DYNC2H1: variants seen among roughly 807,000 people sequenced by gnomAD.
The protein encoded by DYNC2H1 is cytoplasmic dynein 2 heavy chain 1.
Under a neutral mutation model 570.0 loss-of-function variants are expected in DYNC2H1, and 410 were observed. That is an observed-to-expected ratio of 0.72 (90% CI 0.66 to 0.78). DYNC2H1 has a LOEUF of 0.78. Among genes scored for constraint, DYNC2H1 ranks in the 30% least tolerant of loss-of-function variants. The probability of loss-of-function intolerance (pLI) is 0.00; values close to 1 mark genes in which losing one functional copy is unlikely to be tolerated. For missense variants in DYNC2H1, 4,865 were observed against 5,046.4 expected, an observed-to-expected ratio of 0.96 and a Z score of 1.09; for synonymous variants, 1,688 against 1,677.6, an observed-to-expected ratio of 1.01 and a Z score of -0.15.
intron 58 of DYNC2H1, among the ~76,000 whole-genome samples, chr11:103,222,472 G>T (rs1412920849): frequency 2.0e-5 from 3 of 151,976 alleles, no homozygotes; most frequent in African/African-American, 4.8e-5. Flanking sequence ...ATAACAACAG[G>T]TATCTGTTTT....
At position 103,198,821 on chromosome 11, in the gene DYNC2H1, A is replaced by G. The variant is rs17100065; in HGVS notation, c.7840-407A>G. Reference sequence around the variant, plus strand: ...ATTCATTCCCAAGCAATGCGAAAGAACAAACATTCACAAAAGATTTTTTAG... The same window carrying G: ...ATTCATTCCCAAGCAATGCGAAAGAGCAAACATTCACAAAAGATTTTTTAG... On this transcript the variant is annotated intron_variant, in intron 48 of 88. Transcript: ENST00000375735. Among the ~76,000 whole-genome samples the G allele has an allele frequency of 5.6e-3, 860 of 152,270 alleles. 5 individuals are homozygous for G. The highest frequency in any genetic ancestry group is 0.019 in the African/African-American group (786 of 41,542).
At position 103,253,416 on chromosome 11, in the gene DYNC2H1, T is replaced by C. The variant is rs755801062; in HGVS notation, c.10174T>C (p.Phe3392Leu). The change falls in exon 66 of 89, where the codon TTT becomes CTT. Residue 3392 changes from phenylalanine to leucine, a missense_variant. Around this residue, in one of 5 missense-constraint regions of DYNC2H1, gnomAD observed 2,401 missense variants for 2,454.6 expected, o/e 0.98. Coordinates refer to ENST00000375735, the MANE Select transcript of DYNC2H1 (RefSeq NM_001377.3). ...DAASIVTEVN[F>L]TTTRSGLRGQ... ...AGCTTCCATTGTTACTGAGGTTAAC[T>C]TTACTACAACAAGAAGTGGATTACG... The C allele has an allele frequency of 3.1e-6, 5 of 1,613,198 alleles. No individual in the cohort carries two copies. The South Asian group carries it at 4.4e-5, about 14-fold the overall frequency.
intron 59 of DYNC2H1, among the ~76,000 whole-genome samples, chr11:103,226,594 G>C (rs1009297235): frequency 1.3e-5 from 2 of 152,156 alleles, no homozygotes; most frequent in Non-Finnish European, 2.9e-5. Flanking sequence ...TTTTTGATAT[G>C]CTATTGGATT....
intron 80 of DYNC2H1, 80 bp downstream of exon 80, chr11:103,316,700 G>T: frequency 8.8e-7 from 1 of 1,138,380 alleles, no homozygotes; most frequent in African/African-American, 1.6e-5. Context: ...TTCTTCAGAA[G>T]TGGCTTAACT....
At chr11:103,137,934 G>A (rs1444419143) in intron 17 of DYNC2H1, among the ~76,000 whole-genome samples, 1 of 149,888 alleles carries the variant, frequency 6.7e-6, no homozygotes, top group Non-Finnish European at 1.5e-5. Context: ...CCTTGAAGAG[G>A]TCCTTCACGT....
Position 103,201,303 on chromosome 11 carries a change from G to C in DYNC2H1, c.8197+1149G>C, listed in dbSNP as rs982103548. Among the ~76,000 whole-genome samples, 24 of 151,966 alleles carry C rather than the reference G, an allele frequency of 1.6e-4. No homozygotes were observed. The highest frequency in any genetic ancestry group is 5.9e-5 in the Non-Finnish European group (4 of 67,972). On this transcript the variant is annotated intron_variant, in intron 50 of 88. Transcript: ENST00000375735. The surrounding 1 kb of genome is among the most constrained non-coding windows in gnomAD (Gnocchi z 4.8). Reference sequence around the variant, plus strand: ...GCTCTCTATGTATCTGGAATTCTATGGATTGTAGAGATATTTATTGTTTTA... The same window carrying C: ...GCTCTCTATGTATCTGGAATTCTATCGATTGTAGAGATATTTATTGTTTTA...
chr11:103,459,010 A>G (rs756774164), intron 87 of DYNC2H1, among the ~76,000 whole-genome samples: 39 of 151,994 alleles, frequency 2.6e-4, no homozygotes, highest in Admixed American at 6.5e-4. Context: ...TTATACAACT[A>G]ACTTATTAGA....
At chr11:103,154,859 C>T in intron 24 of DYNC2H1, 50 bp downstream of exon 24, 4 of 1,356,578 alleles carry the variant, frequency 2.9e-6, no homozygotes, top group Non-Finnish European at 4.0e-6. Flanking sequence ...TTGGAGCTTT[C>T]ATCTTATGTA....
Position 103,199,551 on chromosome 11 carries a change from C to A in DYNC2H1, c.8088+75C>A. The A allele has an allele frequency of 7.5e-7, 1 of 1,338,230 alleles. No individual in the cohort carries two copies. The allele number at this position is 1,338,230 out of a possible 1,614,324, so 82.9% of individuals were successfully genotyped here. On this transcript the variant is annotated intron_variant, in intron 49 of 88. Coordinates refer to ENST00000375735, the MANE Select transcript of DYNC2H1 (RefSeq NM_001377.3). This position sits in a 1 kb window ranked among gnomAD's most constrained non-coding sequence, Gnocchi z 4.6. ...TATTACTCTAAACATCTTTAAAGACCTAAAGGTTTAAAGAACTAAAGTTTT... is the reference window on the plus strand; with the variant it reads ...TATTACTCTAAACATCTTTAAAGACATAAAGGTTTAAAGAACTAAAGTTTT...
At chr11:103,392,925 C>T (rs1344769436) in intron 83 of DYNC2H1, among the ~76,000 whole-genome samples, 1 of 151,432 alleles carries the variant, frequency 6.6e-6, no homozygotes, top group Non-Finnish European at 1.5e-5. Flanking sequence ...CTCTTGTCAC[C>T]CAGGCTGGAG....
rs1945423848 is a variant in DYNC2H1, at chr11:103,472,589, A to G, written c.12765+3884A>G. ...GACTGAGAATCAGGTAAGTTAAATG[A>G]CTTATGAGTTCCACATTGGTAGCAT... On this transcript the variant is annotated intron_variant, in intron 88 of 88. Coordinates refer to ENST00000375735, the MANE Select transcript of DYNC2H1 (RefSeq NM_001377.3). This position sits in a 1 kb window ranked among gnomAD's most constrained non-coding sequence, Gnocchi z 4.1. Among the ~76,000 whole-genome samples, 1 of 152,090 alleles carries G rather than the reference A, an allele frequency of 6.6e-6. No individual in the cohort carries two copies. The highest frequency in any genetic ancestry group is 1.5e-5 in the Non-Finnish European group (1 of 68,022).
chr11:103,204,712 C>A lies in DYNC2H1; in HGVS notation c.8312-110C>A. The A allele has an allele frequency of 1.4e-6, 1 of 726,808 alleles. No individual in the cohort carries two copies. Among genetic ancestry groups the A allele is most frequent in the Non-Finnish European group, 2.2e-6 (1 of 463,182 alleles). The allele number at this position is 726,808 out of a possible 1,614,324, so 45.0% of individuals were successfully genotyped here. On this transcript the variant is annotated intron_variant, in intron 51 of 88. Transcript: ENST00000375735. This position sits in a 1 kb window ranked among gnomAD's most constrained non-coding sequence, Gnocchi z 4.1. Reference sequence around the variant, plus strand: ...TAACATAATATTGTTTTATATTGTGCTCGTTTTAAGAAACAACTCCTACTA... The same window carrying A: ...TAACATAATATTGTTTTATATTGTGATCGTTTTAAGAAACAACTCCTACTA...
chr11:103,473,196 G>A (rs1258179196), intron 88 of DYNC2H1, among the ~76,000 whole-genome samples: 1 of 151,692 alleles, frequency 6.6e-6, no homozygotes, highest in Non-Finnish European at 1.5e-5. Context: ...AAATGCTGAT[G>A]AAATATTTTT....
In DYNC2H1 at chr11:103,189,609, T is replaced by C. The variant is rs1363829748; in HGVS notation, c.7293-63T>C. On this transcript the variant is annotated intron_variant, in intron 44 of 88. Transcript: ENST00000375735. This position sits in a 1 kb window ranked among gnomAD's most constrained non-coding sequence, Gnocchi z 4.3. ...TCAAAACCACTGTTGTAACTTAACA[T>C]TGAAATATTAATTTGGAATACTGAT... 18 of 1,523,248 alleles carry C rather than the reference T, an allele frequency of 1.2e-5. No homozygotes were observed. In the Admixed American group the frequency reaches 2.7e-4, roughly 23 times the overall value. 94.4% of individuals were successfully genotyped at this position (1,523,248 alleles called of 1,614,324 possible).
chr11:103,171,363 C>T (rs1026760803), intron 34 of DYNC2H1, among the ~76,000 whole-genome samples: 1 of 152,018 alleles, frequency 6.6e-6, no homozygotes, highest in Non-Finnish European at 1.5e-5. Flanking sequence ...TCAAGCGATT[C>T]TCCTGCCTTA....
intron 82 of DYNC2H1, among the ~76,000 whole-genome samples, chr11:103,353,741 T>G (rs1940166766): frequency 6.6e-6 from 1 of 152,200 alleles, no homozygotes. Flanking sequence ...AGGTGCCCAC[T>G]TTTAAATATA....
chr11:103,432,855 T>C (rs887429907), intron 84 of DYNC2H1, among the ~76,000 whole-genome samples: 2 of 152,168 alleles, frequency 1.3e-5, no homozygotes, highest in Admixed American at 6.6e-5. Flanking sequence ...TCACCATAGT[T>C]ACTAACACAT....
intron 10 of DYNC2H1, among the ~76,000 whole-genome samples, chr11:103,122,472 C>T (rs555550321): frequency 7.9e-4 from 120 of 152,276 alleles, no homozygotes; most frequent in Admixed American, 1.5e-3. Context: ...TGCTAAGGGC[C>T]GAAATTATTA....
Position 103,120,760 on chromosome 11 carries a change from A to G in DYNC2H1, c.1206A>G (p.Lys402=). The change falls in exon 8 of 89, where the codon AAA becomes AAG. Residue 402 remains lysine, a synonymous_variant. Transcript: ENST00000375735. ...IAPAEQKIAG[K]LKNYISEIQD... ...CTGCGGAACAAAAAATAGCAGGAAA[A>G]TTGAAAAATTATATTTCAGAAATTC... The G allele has an allele frequency of 6.3e-7, 1 of 1,588,868 alleles. No homozygotes were observed. The highest frequency in any genetic ancestry group is 1.1e-5 in the South Asian group (1 of 88,700).
Sources: allele counts gnomAD v4.1 joint callset (sites outside exome capture counted in the v4.1 genomes callset), GRCh38; gene constraint gnomAD v4.1.1; regional missense constraint gnomAD v4.1.1; non-coding constraint Gnocchi (gnomAD v3.1); transcripts MANE v1.5; gene names NCBI Gene and HGNC (gene_info 2026-07-23, HGNC 2026-07-21).